Variants in CNBD1 observed in about 807,000 individuals in gnomAD.
CNBD1 encodes the protein cyclic nucleotide-binding domain-containing protein 1.
In CNBD1, 71 loss-of-function variants were observed where a neutral mutation model predicts 54.4. The observed-to-expected ratio is 1.30, with a 90% CI of 1.08 to 1.59. The LOEUF is 1.59. CNBD1 is among the 40% of genes most tolerant of loss of function. CNBD1 has a pLI of 0.00. For missense variants in CNBD1, 659 were observed against 518.0 expected (o/e 1.27, Z -2.64); for synonymous variants, 182 against 170.7 (o/e 1.07, Z -0.51).
At chr8:87,372,836 T>A (rs1810843217) in intron 10 of CNBD1, among the ~76,000 whole-genome samples, 1 of 151,776 alleles carries the variant, frequency 6.6e-6, no homozygotes, top group Non-Finnish European at 1.5e-5. Context: ...TTCCTTTTTA[T>A]AGATGGTATA....
intron 6 of CNBD1, among the ~76,000 whole-genome samples, chr8:87,249,085 C>T (rs1343337986): frequency 1.3e-5 from 2 of 152,134 alleles, no homozygotes; most frequent in South Asian, 2.1e-4. Context: ...TTATTATGGT[C>T]TCTGTGCAGT....
intron 6 of CNBD1, among the ~76,000 whole-genome samples, chr8:87,242,079 C>T (rs1282446950): frequency 2.0e-5 from 3 of 152,178 alleles, no homozygotes; most frequent in Non-Finnish European, 4.4e-5. Flanking sequence ...TCAGGCACAA[C>T]TGACCAGCAT....
At position 87,345,970 on chromosome 8, in the gene CNBD1, A is replaced by T. The variant is rs145877574; in HGVS notation, c.1043-5715A>T. ...GCATAGTTCTTTGAAATGGAAATATATTGGTTGTGTTACAGTTTCATGGCC... is the reference window on the plus strand; with the variant it reads ...GCATAGTTCTTTGAAATGGAAATATTTTGGTTGTGTTACAGTTTCATGGCC... On this transcript the variant is annotated intron_variant, in intron 8 of 10. Transcript: ENST00000518476. Among the ~76,000 whole-genome samples the T allele has an allele frequency of 2.2e-3, 337 of 152,232 alleles. 4 individuals are homozygous for T. The highest frequency in any genetic ancestry group is 7.9e-3 in the African/African-American group (328 of 41,556).
chr8:87,133,141 T>C (rs1307464547), intron 4 of CNBD1, among the ~76,000 whole-genome samples: 1 of 152,152 alleles, frequency 6.6e-6, no homozygotes, highest in Non-Finnish European at 1.5e-5. Flanking sequence ...ATTCCTTTTT[T>C]TTCATTAATT....
Position 87,376,480 on chromosome 8 carries a change from C to A in CNBD1, c.1304-6140C>A, listed in dbSNP as rs138399386. Reference sequence around the variant, plus strand: ...TTTTGAGGGATGTAACCATTTAGCCCATGACACATGCTAACTTTTTTAACA... The same window carrying A: ...TTTTGAGGGATGTAACCATTTAGCCAATGACACATGCTAACTTTTTTAACA... On this transcript the variant is annotated intron_variant, in intron 10 of 10. Transcript: ENST00000518476. 5.9e-5 allele frequency among the ~76,000 whole-genome samples: 9 copies of A among 151,982 alleles called. No individual in the cohort carries two copies. The East Asian group carries it at 1.8e-3, about 30-fold the overall frequency.
intron 10 of CNBD1, among the ~76,000 whole-genome samples, chr8:87,371,167 C>T (rs1413348382): frequency 1.3e-5 from 2 of 151,738 alleles, no homozygotes; most frequent in Non-Finnish European, 2.9e-5. Flanking sequence ...AGTGTGATGC[C>T]TCCAGTTTTG....
chr8:87,138,125 C>T (rs1283965499), intron 4 of CNBD1, among the ~76,000 whole-genome samples: 2 of 152,122 alleles, frequency 1.3e-5, no homozygotes, highest in South Asian at 2.1e-4. Context: ...CACAAAAGTC[C>T]TGTTTTTCTT....
At chr8:87,413,956 C>T (rs1040512932) in intron 2 of CNBD1, among the ~76,000 whole-genome samples, 8 of 151,772 alleles carry the variant, frequency 5.3e-5, no homozygotes, top group Non-Finnish European at 1.0e-4. Context: ...TTGTGGAAGT[C>T]AGTGTGGCGA....
At chr8:86,947,957 A>C (rs150722696) in intron 4 of CNBD1, among the ~76,000 whole-genome samples, 10 of 152,178 alleles carry the variant, frequency 6.6e-5, no homozygotes, top group Middle Eastern at 3.4e-3. Flanking sequence ...CTCTATGTTC[A>C]TGAGTTCAAT....
At chr8:87,156,043 C>A (rs1055165543) in intron 4 of CNBD1, among the ~76,000 whole-genome samples, 17 of 151,598 alleles carry the variant, frequency 1.1e-4, no homozygotes, top group African/African-American at 4.1e-4. Context: ...ATTTACGGGG[C>A]AGTTGAAGGG....
At chr8:87,106,721 A>G (rs187844272) in intron 4 of CNBD1, among the ~76,000 whole-genome samples, 21 of 151,862 alleles carry the variant, frequency 1.4e-4, no homozygotes, top group African/African-American at 3.6e-4. Flanking sequence ...GTTTTCCCCA[A>G]CCTCACTGGA....
At chr8:87,285,388 A>T (rs1050641710) in intron 7 of CNBD1, among the ~76,000 whole-genome samples, 8 of 152,150 alleles carry the variant, frequency 5.3e-5, no homozygotes, top group Admixed American at 4.6e-4. Flanking sequence ...TCAAATCCAA[A>T]TTTTTTCTTG....
chr8:86,937,564 C>T (rs1194111090), intron 3 of CNBD1, among the ~76,000 whole-genome samples: 1 of 152,166 alleles, frequency 6.6e-6, no homozygotes, highest in Middle Eastern at 3.2e-3. Flanking sequence ...TCCCAAACCT[C>T]AATTTTTGAC....
At chr8:86,948,560 T>A (rs939830220) in intron 4 of CNBD1, among the ~76,000 whole-genome samples, 7 of 152,188 alleles carry the variant, frequency 4.6e-5, no homozygotes, top group Admixed American at 2.0e-4. Flanking sequence ...ATGTCATTTT[T>A]TTGAGAAACA....
chr8:87,099,685 A>T (rs774887377), intron 4 of CNBD1, among the ~76,000 whole-genome samples: 6 of 152,214 alleles, frequency 3.9e-5, no homozygotes, highest in Non-Finnish European at 8.8e-5. Flanking sequence ...GAAGTTTGAA[A>T]TTCCCAATAA....
intron 1 of CNBD1, among the ~76,000 whole-genome samples, chr8:86,876,789 A>G (rs191635281): frequency 3.9e-5 from 6 of 152,126 alleles, no homozygotes; most frequent in South Asian, 2.1e-4. Flanking sequence ...TGATTTAAGA[A>G]TAAAATTTGG....
At chr8:87,048,823 G>A (rs1000844867) in intron 4 of CNBD1, among the ~76,000 whole-genome samples, 1 of 152,186 alleles carries the variant, frequency 6.6e-6, no homozygotes, top group Admixed American at 6.5e-5. Context: ...TGCCTGTTGA[G>A]GGGATTATTT....
At chr8:87,089,032 A>G (rs184821952) in intron 4 of CNBD1, among the ~76,000 whole-genome samples, 1 of 152,278 alleles carries the variant, frequency 6.6e-6, no homozygotes, top group East Asian at 1.9e-4. Context: ...CTTCATAAAG[A>G]ATAAACTAGT....
chr8:87,167,451 T>C (rs1245666524), intron 4 of CNBD1, among the ~76,000 whole-genome samples: 1 of 151,346 alleles, frequency 6.6e-6, no homozygotes, highest in Non-Finnish European at 1.5e-5. Context: ...CACTAGAACA[T>C]TTTTTGTTGT....
Sources: gnomAD v4.1 joint callset for allele counts (sites outside exome capture counted in the v4.1 genomes callset) on GRCh38, gnomAD v4.1.1 for gene constraint, MANE v1.5 for transcripts, NCBI Gene and HGNC (gene_info 2026-07-23, HGNC 2026-07-21) for gene names.